The following UNC5D variants were observed in gnomAD, a reference collection of about 807,000 sequenced individuals.
The protein encoded by UNC5D is unc-5 netrin receptor D, also known as netrin receptor UNC5D.
UNC5D carries 39 observed loss-of-function variants against 105.4 expected under a neutral mutation model. That is an observed-to-expected ratio of 0.37 (90% CI 0.29 to 0.48). The LOEUF (loss-of-function observed/expected upper bound fraction) is 0.48, where lower values mean the gene tolerates loss of function less well. Among genes scored for constraint, UNC5D ranks in the 20% least tolerant of loss-of-function variants. The pLI is 0.98. For synonymous variants in UNC5D, 452 were observed against 450.4 expected (o/e 1.00, Z -0.04); for missense variants, 991 against 1,202.4 (o/e 0.82, Z 2.60).
At chr8:35,479,813 C>T (rs1251209439) in intron 1 of UNC5D, among the ~76,000 whole-genome samples, 2 of 152,146 alleles carry the variant, frequency 1.3e-5, no homozygotes, top group Non-Finnish European at 2.9e-5. Context: ...GGAAGGCTAC[C>T]TATCAGGTAC....
intron 8 of UNC5D, among the ~76,000 whole-genome samples, chr8:35,709,858 AAAGGAG>A (rs1448606423): frequency 6.6e-6 from 1 of 152,164 alleles, no homozygotes; most frequent in East Asian, 1.9e-4. Context: ...CTGAGGGCCA[AAAGGAG>A]ACCAGGATGT....
At chr8:35,260,096 A>G (rs2128820638) in intron 1 of UNC5D, among the ~76,000 whole-genome samples, 1 of 152,272 alleles carries the variant, frequency 6.6e-6, no homozygotes, top group East Asian at 1.9e-4. Context: ...TCAACGCACC[A>G]TCAGGAACTT....
chr8:35,675,955 T>A (rs1181663111), intron 4 of UNC5D, among the ~76,000 whole-genome samples: 1 of 151,822 alleles, frequency 6.6e-6, no homozygotes. Context: ...AGTGACATAT[T>A]ATGACACATG....
At chr8:35,502,047 A>T (rs894879350) in intron 1 of UNC5D, among the ~76,000 whole-genome samples, 1 of 152,242 alleles carries the variant, frequency 6.6e-6, no homozygotes, top group African/African-American at 2.4e-5. Context: ...CATTGTTTTC[A>T]GCTGGCAAGA....
At chr8:35,305,593 C>CTTTCTTTCTTTCTTTCTTTCA (rs1808307235) in intron 1 of UNC5D, among the ~76,000 whole-genome samples, 143 of 142,124 alleles carry the variant, frequency 1.0e-3, no homozygotes, top group African/African-American at 3.3e-3. Flanking sequence ...TTCTTTCTTT[C>CTTTCTTTCTTTCTTTCTTTCA]TTTCTTTCTT....
chr8:35,777,193 G>A (rs1230310734), intron 16 of UNC5D, among the ~76,000 whole-genome samples: 2 of 152,224 alleles, frequency 1.3e-5, no homozygotes, highest in Non-Finnish European at 2.9e-5. Context: ...GGCAGAGGTT[G>A]CAGTGAGCCG....
At chr8:35,516,414 G>A (rs892330489) in intron 1 of UNC5D, among the ~76,000 whole-genome samples, 7 of 152,256 alleles carry the variant, frequency 4.6e-5, no homozygotes, top group Admixed American at 2.0e-4. Flanking sequence ...CTCACAGCTC[G>A]TAAGTGTCAC....
chr8:35,577,843 C>T (rs910934099), intron 3 of UNC5D, among the ~76,000 whole-genome samples: 4 of 152,062 alleles, frequency 2.6e-5, no homozygotes, highest in Non-Finnish European at 5.9e-5. Flanking sequence ...GTTAATGTCA[C>T]CGAAAATGGG....
At chr8:35,505,390 GAAGAAACTA>G (rs1330365380) in intron 1 of UNC5D, among the ~76,000 whole-genome samples, 2 of 152,200 alleles carry the variant, frequency 1.3e-5, no homozygotes, top group Non-Finnish European at 2.9e-5. Context: ...TGCCTGGCTT[GAAGAAACTA>G]AATCAGTTCT....
At chr8:35,631,497 A>G (rs952185890) in intron 4 of UNC5D, among the ~76,000 whole-genome samples, 1 of 152,170 alleles carries the variant, frequency 6.6e-6, no homozygotes, top group Non-Finnish European at 1.5e-5. Context: ...TTTGTTAGAA[A>G]GCTGTTGACC....
At chr8:35,716,232 C>A (rs895728309) in intron 8 of UNC5D, among the ~76,000 whole-genome samples, 4 of 152,100 alleles carry the variant, frequency 2.6e-5, no homozygotes, top group Non-Finnish European at 1.5e-5. Context: ...CTTGACAATG[C>A]GTCATCATCA....
At chr8:35,628,349 G>A (rs1821819277) in intron 4 of UNC5D, among the ~76,000 whole-genome samples, 1 of 152,080 alleles carries the variant, frequency 6.6e-6, no homozygotes, top group South Asian at 2.1e-4. Context: ...GGCCAGGCTT[G>A]TCTTGAATTC....
At chr8:35,659,618 A>G (rs921242261) in intron 4 of UNC5D, among the ~76,000 whole-genome samples, 1 of 152,234 alleles carries the variant, frequency 6.6e-6, no homozygotes, top group African/African-American at 2.4e-5. Flanking sequence ...GTATGTGCGC[A>G]TGCACACCGA....
chr8:35,714,755 C>T (rs2131501831), intron 8 of UNC5D, among the ~76,000 whole-genome samples: 1 of 152,308 alleles, frequency 6.6e-6, no homozygotes, highest in Admixed American at 6.5e-5. Flanking sequence ...GGTTTAGGCA[C>T]ATACAGACTT....
chr8:35,310,327 A>G (rs896804279), intron 1 of UNC5D, among the ~76,000 whole-genome samples: 3 of 152,220 alleles, frequency 2.0e-5, no homozygotes, highest in African/African-American at 7.2e-5. Context: ...TCAAGAATTT[A>G]CAAGTAATTT....
chr8:35,436,332 AT>A (rs1807012621), intron 1 of UNC5D, among the ~76,000 whole-genome samples: 1 of 152,108 alleles, frequency 6.6e-6, no homozygotes, highest in Non-Finnish European at 1.5e-5. Context: ...AGATGTTTAA[AT>A]TTATAACAAA....
At chr8:35,554,490 G>T (rs1816390949) in intron 2 of UNC5D, among the ~76,000 whole-genome samples, 1 of 152,182 alleles carries the variant, frequency 6.6e-6, no homozygotes, top group African/African-American at 2.4e-5. Flanking sequence ...GAAGCTCAGA[G>T]TTGAGAAGTA....
At chr8:35,613,402 T>C (rs1820821814) in intron 4 of UNC5D, among the ~76,000 whole-genome samples, 1 of 152,224 alleles carries the variant, frequency 6.6e-6, no homozygotes, top group Admixed American at 6.5e-5. Context: ...CAGGAGTCGT[T>C]GTTGAGTGTA....
intron 1 of UNC5D, among the ~76,000 whole-genome samples, chr8:35,300,278 T>C (rs936807513): frequency 6.6e-6 from 1 of 151,420 alleles, no homozygotes; most frequent in African/African-American, 2.4e-5. Context: ...CAAAACGCCA[T>C]CTCTACTAAA....
Sources: allele counts gnomAD v4.1 joint callset (sites outside exome capture counted in the v4.1 genomes callset), GRCh38; gene constraint gnomAD v4.1.1; transcripts MANE v1.5; gene names NCBI Gene and HGNC (gene_info 2026-07-23, HGNC 2026-07-21).